Variants in TEX11 observed in about 807,000 individuals in gnomAD.
The protein encoded by TEX11 is testis-expressed protein 11.
TEX11 carries 7 observed loss-of-function variants against 84.4 expected under a neutral mutation model. The observed-to-expected ratio is 0.08, with a 90% CI of 0.05 to 0.16. The LOEUF (loss-of-function observed/expected upper bound fraction) is 0.16, where lower values mean the gene tolerates loss of function less well. TEX11 is among the 10% of genes least tolerant of loss of function. TEX11 has a pLI of 1.00. For missense variants in TEX11, 551 were observed against 660.5 expected, an observed-to-expected ratio of 0.83 and a Z score of 1.82; for synonymous variants, 264 against 222.8, an observed-to-expected ratio of 1.18 and a Z score of -1.64.
chrX:70,893,802 A>G (rs976171512), intron 2 of TEX11, among the ~76,000 whole-genome samples: 3 of 111,493 alleles, frequency 2.7e-5, no homozygotes, highest in Non-Finnish European at 5.7e-5. Context: ...TTTTTTGAAA[A>G]GATTAACAGA....
At chrX:70,760,115 G>A (rs2090898724) in intron 9 of TEX11, among the ~76,000 whole-genome samples, 1 of 111,225 alleles carries the variant, frequency 9.0e-6, no homozygotes, top group African/African-American at 3.3e-5. Flanking sequence ...AAATAAAAGA[G>A]GACACAAACA....
At chrX:70,628,693 T>C (rs1379203289) in intron 18 of TEX11, among the ~76,000 whole-genome samples, 1 of 112,030 alleles carries the variant, frequency 8.9e-6, no homozygotes, top group Non-Finnish European at 1.9e-5. Context: ...TTGAATGATA[T>C]GTATTTTGAT....
chrX:70,574,550 C>CT (rs1233470160), intron 25 of TEX11, among the ~76,000 whole-genome samples: 4 of 111,424 alleles, frequency 3.6e-5, no homozygotes, highest in African/African-American at 1.3e-4. Context: ...TCAAAACACT[C>CT]TAAGACTAAA....
In TEX11 at chrX:70,725,310, T is replaced by C; in HGVS notation, c.877A>G (p.Met293Val). ...GTTTCGCCTTTCAAGAGGATTTTCA[T>C]TTTTAAGAAAAGCCCAGGAGAACTT... The part of the protein sequence containing the change: ...HLSSPGLFLK[M>V]KILLKGETSN... The change falls in exon 12 of 30, where the codon ATG becomes GTG. Residue 293 changes from methionine (M) to valine (V), a missense_variant. By Grantham distance (21) the Met-to-Val change is conservative. Coordinates refer to ENST00000374333, the MANE Select transcript of TEX11 (RefSeq NM_031276.3). 4 of 1,198,937 alleles carry C rather than the reference T, an allele frequency of 3.3e-6. No individual in the cohort carries two copies. The highest frequency in any genetic ancestry group is 4.5e-6 in the Non-Finnish European group (4 of 886,045).
intron 24 of TEX11, among the ~76,000 whole-genome samples, chrX:70,598,554 A>C (rs2089041563): frequency 8.9e-6 from 1 of 112,348 alleles, no homozygotes; most frequent in Admixed American, 9.5e-5. Flanking sequence ...CCATGCAAAA[A>C]TTTGTACATA....
At chrX:70,616,908 G>A (rs1449239955) in intron 20 of TEX11, among the ~76,000 whole-genome samples, 1 of 111,459 alleles carries the variant, frequency 9.0e-6, no homozygotes, top group Non-Finnish European at 1.9e-5. Context: ...AGGAAGTGAG[G>A]ATGGTTAATG....
intron 11 of TEX11, among the ~76,000 whole-genome samples, chrX:70,725,768 A>G (rs773243291): frequency 8.9e-5 from 10 of 112,179 alleles, no homozygotes; most frequent in Non-Finnish European, 1.7e-4. Context: ...CGTGTTTACC[A>G]TTAATAACAA....
intron 25 of TEX11, among the ~76,000 whole-genome samples, chrX:70,572,259 A>T (rs1043123696): frequency 2.7e-5 from 3 of 111,828 alleles, no homozygotes; most frequent in African/African-American, 9.7e-5. Context: ...AATGCTCACC[A>T]TCACTGGCCA....
chrX:70,865,280 A>T (rs2091593463), intron 4 of TEX11, among the ~76,000 whole-genome samples: 1 of 111,704 alleles, frequency 9.0e-6, no homozygotes, highest in Non-Finnish European at 1.9e-5. Flanking sequence ...ACCAACAAAG[A>T]TCAAAAGAGA....
chrX:70,866,079 T>C (rs2091597667), intron 4 of TEX11, among the ~76,000 whole-genome samples: 1 of 110,812 alleles, frequency 9.0e-6, no homozygotes, highest in Admixed American at 9.7e-5. Context: ...AAAAAACCCT[T>C]CAAAAAAATC....
At chrX:70,608,506 C>A (rs917149397) in intron 22 of TEX11, among the ~76,000 whole-genome samples, 1 of 111,112 alleles carries the variant, frequency 9.0e-6, no homozygotes, top group Non-Finnish European at 1.9e-5. Context: ...CTTTGGGAGG[C>A]CGAGGCAGGT....
intron 17 of TEX11, among the ~76,000 whole-genome samples, chrX:70,648,455 T>G (rs1015753810): frequency 1.8e-5 from 2 of 110,597 alleles, no homozygotes; most frequent in Non-Finnish European, 3.8e-5. Context: ...TTGTTCATGA[T>G]CAATATATAT....
At chrX:70,556,262 C>A (rs1237973294) in intron 25 of TEX11, among the ~76,000 whole-genome samples, 1 of 110,215 alleles carries the variant, frequency 9.1e-6, no homozygotes, top group African/African-American at 3.3e-5. Context: ...ATGCTATACA[C>A]TTTTGTCTAG....
intron 7 of TEX11, among the ~76,000 whole-genome samples, chrX:70,838,497 G>C (rs1442278788): frequency 8.9e-6 from 1 of 112,350 alleles, no homozygotes; most frequent in African/African-American, 3.2e-5. Flanking sequence ...CTAAGTATTA[G>C]AGGGGGAGGA....
Position 70,554,747 on chromosome X carries a change from C to T in TEX11, c.2194G>A (p.Val732Ile), listed in dbSNP as rs151048734. 86 of 1,208,406 alleles carry T rather than the reference C, an allele frequency of 7.1e-5. No individual in the cohort carries two copies. In the African/African-American group the frequency reaches 1.1e-3, roughly 15 times the overall value. Reference sequence around the variant, plus strand: ...AATGGATCATTCAATTTGGCTCTAACTTCAAACTCGTACAGCAGAAGCAAT... The same window carrying T: ...AATGGATCATTCAATTTGGCTCTAATTTCAAACTCGTACAGCAGAAGCAAT... ...EKLLLLYEFE[V>I]RAKLNDPLLE... The change falls in exon 26 of 30, where the codon GTT becomes ATT. Residue 732 changes from valine (V) to isoleucine (I), a missense_variant. Physicochemically the swap from Val to Ile is conservative, Grantham distance 29. Transcript: ENST00000374333.
intron 25 of TEX11, among the ~76,000 whole-genome samples, chrX:70,566,813 T>G (rs939640769): frequency 1.8e-5 from 2 of 111,934 alleles, no homozygotes; most frequent in Non-Finnish European, 3.8e-5. Flanking sequence ...TGCCAGTATT[T>G]TATTGAGGAT....
At chrX:70,660,067 T>C (rs2089910556) in intron 16 of TEX11, among the ~76,000 whole-genome samples, 1 of 111,780 alleles carries the variant, frequency 8.9e-6, no homozygotes, top group Non-Finnish European at 1.9e-5. Context: ...TATTTATATA[T>C]CTAAACATAT....
chrX:70,547,027 CAAAAAAAAA>C (rs58220663), intron 28 of TEX11, among the ~76,000 whole-genome samples: 2 of 33,895 alleles, frequency 5.9e-5, no homozygotes, highest in Non-Finnish European at 9.5e-5. Context: ...TATTATTCAG[CAAAAAAAAA>C]AAAAAAAAAA....
intron 4 of TEX11, among the ~76,000 whole-genome samples, chrX:70,869,036 GTAAAATAAAATAAAATAAAATAAAA>G (rs67299887): frequency 0.043 from 2,324 of 53,751 alleles, 69 homozygotes; most frequent in South Asian, 0.12. Flanking sequence ...AGAACTTAAA[GTAAAATAAAATAAAATAAAATAAAA>G]TAAAATAAAA....
Sources: gnomAD v4.1 joint callset for allele counts (sites outside exome capture counted in the v4.1 genomes callset) on GRCh38, gnomAD v4.1.1 for gene constraint, MANE v1.5 for transcripts, NCBI Gene and HGNC (gene_info 2026-07-23, HGNC 2026-07-21) for gene names.